Variants in MTCL2 observed in about 807,000 individuals in gnomAD.
MTCL2 encodes the protein microtubule cross-linking factor 2.
the MTCL2 span, among the ~76,000 whole-genome samples, chr20:36,788,104 A>G: frequency 2.0e-5 from 3 of 150,302 alleles, no homozygotes; most frequent in East Asian, 5.9e-4. Flanking sequence ...GGGAGACCGA[A>G]GCAGCAGAAC....
chr20:36,848,757 A>C, the MTCL2 span, among the ~76,000 whole-genome samples: 1 of 152,182 alleles, frequency 6.6e-6, no homozygotes, highest in African/African-American at 2.4e-5. Context: ...GAACTTGGAA[A>C]ATCACATCTT....
At chr20:36,862,663 G>A in the MTCL2 span, 2 of 1,498,756 alleles carry the variant, frequency 1.3e-6, no homozygotes, top group Non-Finnish European at 1.8e-6. Flanking sequence ...CCCACCTTGA[G>A]ATAGTCGTTC....
the MTCL2 span, among the ~76,000 whole-genome samples, chr20:36,800,116 T>C: frequency 3.3e-4 from 50 of 152,288 alleles, no homozygotes; most frequent in South Asian, 0.01. Context: ...GGCAGAAGAA[T>C]GTCAGAGACA....
chr20:36,856,474 G>A, the MTCL2 span, among the ~76,000 whole-genome samples: 6 of 152,046 alleles, frequency 3.9e-5, no homozygotes, highest in Non-Finnish European at 7.4e-5. Flanking sequence ...GAAATTCCAA[G>A]GAGATTAGAA....
At chr20:36,795,136 A>C in the MTCL2 span, among the ~76,000 whole-genome samples, 1 of 151,902 alleles carries the variant, frequency 6.6e-6, no homozygotes, top group Non-Finnish European at 1.5e-5. Flanking sequence ...ACGGGGTTTC[A>C]CCATGTTGGC....
the MTCL2 span, among the ~76,000 whole-genome samples, chr20:36,846,955 A>G: frequency 6.6e-6 from 1 of 152,218 alleles, no homozygotes; most frequent in East Asian, 1.9e-4. Flanking sequence ...GGTTGCAGTG[A>G]GCTGAGATTG....
chr20:36,824,943 CT>C, the MTCL2 span, among the ~76,000 whole-genome samples: 201 of 141,530 alleles, frequency 1.4e-3, no homozygotes, highest in Admixed American at 1.8e-3. Context: ...GAATTGTACA[CT>C]TTTTTTTTTT....
the MTCL2 span, chr20:36,784,729 G>A: frequency 2.4e-5 from 24 of 985,464 alleles, no homozygotes; most frequent in African/African-American, 2.3e-4. Context: ...CACAGGGGAC[G>A]TGAGGAAGGG....
At chr20:36,796,710 C>T in the MTCL2 span, among the ~76,000 whole-genome samples, 2 of 152,074 alleles carry the variant, frequency 1.3e-5, no homozygotes, top group Admixed American at 6.6e-5. Flanking sequence ...AACCATATCC[C>T]GATGCTCTCC....
At chr20:36,784,646 C>T in the MTCL2 span, 4 of 985,328 alleles carry the variant, frequency 4.1e-6, no homozygotes, top group African/African-American at 1.7e-5. Flanking sequence ...GGCACCAAGG[C>T]GAGGCCATGG....
chr20:36,817,012 A>G, the MTCL2 span, among the ~76,000 whole-genome samples: 1 of 152,116 alleles, frequency 6.6e-6, no homozygotes, highest in Non-Finnish European at 1.5e-5. Flanking sequence ...CACACCTGTA[A>G]TCCCAGAACT....
chr20:36,808,545 C>A, the MTCL2 span: 2 of 1,606,158 alleles, frequency 1.2e-6, no homozygotes, highest in South Asian at 1.1e-5. Flanking sequence ...CTGGGCAAAA[C>A]CTTGCCCTGC....
At chr20:36,829,067 T>G in the MTCL2 span, 1 of 1,551,694 alleles carries the variant, frequency 6.4e-7, no homozygotes, top group Non-Finnish European at 8.7e-7. Context: ...TCTCGGTCGC[T>G]CCAGCTCCGT....
the MTCL2 span, among the ~76,000 whole-genome samples, chr20:36,861,550 T>C: frequency 1.5e-5 from 2 of 130,008 alleles, no homozygotes; most frequent in Admixed American, 1.6e-4. Flanking sequence ...AAGGAAAAGT[T>C]AAAACCTAAG....
the MTCL2 span, among the ~76,000 whole-genome samples, chr20:36,788,659 T>A: frequency 1.3e-5 from 2 of 152,058 alleles, no homozygotes; most frequent in African/African-American, 4.8e-5. Context: ...AATAAATAAA[T>A]AAAATAAAAG....
chr20:36,786,622 A>C, the MTCL2 span: 3 of 1,550,326 alleles, frequency 1.9e-6, no homozygotes, highest in Non-Finnish European at 2.6e-6. Context: ...TGGGTACTAC[A>C]GTCACAAACA....
At chr20:36,828,786 ACTCT>A in the MTCL2 span, 8 of 399,912 alleles carry the variant, frequency 2.0e-5, no homozygotes, top group Non-Finnish European at 3.6e-5. Flanking sequence ...TTGATGAATG[ACTCT>A]CTCTCTCATT....
At chr20:36,862,596 GCCCGCGGGAC>G in the MTCL2 span, 2 of 1,401,550 alleles carry the variant, frequency 1.4e-6, no homozygotes, top group Non-Finnish European at 1.9e-6. Flanking sequence ...GGTGCCTCAG[GCCCGCGGGAC>G]TGTGACAGCC....
chr20:36,815,616 C>A, the MTCL2 span: 1 of 1,599,522 alleles, frequency 6.3e-7, no homozygotes, highest in East Asian at 2.3e-5. The surrounding 1 kb of genome is among the most constrained non-coding windows in gnomAD (Gnocchi z 5.3). Context: ...CGTACTCTGG[C>A]AGGAGGCGAG....
Sources: gnomAD v4.1 joint callset for allele counts (sites outside exome capture counted in the v4.1 genomes callset) on GRCh38, gnomAD v4.1.1 for gene constraint, Gnocchi (gnomAD v3.1) non-coding constraint, MANE v1.5 for transcripts, NCBI Gene and HGNC (gene_info 2026-07-23, HGNC 2026-07-21) for gene names.